Variants in PGCKA1 observed in about 807,000 individuals in gnomAD.
The protein encoded by PGCKA1 is PDCD10 and GCKIII kinases associated 1.
chr4:37,494,081 G>A, the PGCKA1 span, among the ~76,000 whole-genome samples: 1 of 152,188 alleles, frequency 6.6e-6, no homozygotes, highest in African/African-American at 2.4e-5. Context: ...TTTCTTTGGG[G>A]TATATAACTA....
chr4:37,510,191 C>G, the PGCKA1 span, among the ~76,000 whole-genome samples: 1 of 151,988 alleles, frequency 6.6e-6, no homozygotes, highest in African/African-American at 2.4e-5. Context: ...CCACATATCT[C>G]TATTTCTCCA....
the PGCKA1 span, among the ~76,000 whole-genome samples, chr4:37,543,759 A>G: frequency 5.9e-5 from 9 of 151,510 alleles, no homozygotes; most frequent in Non-Finnish European, 8.8e-5. Flanking sequence ...GCGTGAACCC[A>G]GGAGGCAGAG....
At chr4:37,535,553 G>A in the PGCKA1 span, among the ~76,000 whole-genome samples, 4 of 152,098 alleles carry the variant, frequency 2.6e-5, no homozygotes, top group East Asian at 1.9e-4. Flanking sequence ...GCCCCACTTC[G>A]CTCCACCTCT....
At chr4:37,589,255 G>A in the PGCKA1 span, among the ~76,000 whole-genome samples, 1 of 152,152 alleles carries the variant, frequency 6.6e-6, no homozygotes, top group Non-Finnish European at 1.5e-5. Context: ...TGTGAGTAAC[G>A]TGAACATAAA....
At chr4:37,558,898 C>T in the PGCKA1 span, among the ~76,000 whole-genome samples, 1 of 133,962 alleles carries the variant, frequency 7.5e-6, no homozygotes, top group African/African-American at 2.9e-5. Context: ...CAATGAGATA[C>T]CATCTCACAC....
the PGCKA1 span, among the ~76,000 whole-genome samples, chr4:37,478,142 A>ACC: frequency 1.4e-3 from 84 of 59,586 alleles, 1 homozygote; most frequent in African/African-American, 3.9e-3. Flanking sequence ...TTTTAAAAAC[A>ACC]CCCCCCCCCA....
the PGCKA1 span, among the ~76,000 whole-genome samples, chr4:37,479,634 T>C: frequency 6.6e-6 from 1 of 152,196 alleles, no homozygotes; most frequent in Non-Finnish European, 1.5e-5. Flanking sequence ...AGGCACAGCA[T>C]GTGCAAAGGC....
At chr4:37,551,193 C>A in the PGCKA1 span, among the ~76,000 whole-genome samples, 12 of 152,224 alleles carry the variant, frequency 7.9e-5, no homozygotes, top group Admixed American at 3.3e-4. Flanking sequence ...GATCAGTGGA[C>A]AGGTAGCTGT....
At chr4:37,551,365 T>C in the PGCKA1 span, among the ~76,000 whole-genome samples, 1 of 152,214 alleles carries the variant, frequency 6.6e-6, no homozygotes. Flanking sequence ...ACTATAGGCC[T>C]GCCAGCTAGA....
At chr4:37,497,029 C>T in the PGCKA1 span, among the ~76,000 whole-genome samples, 4 of 152,068 alleles carry the variant, frequency 2.6e-5, no homozygotes, top group Admixed American at 1.3e-4. Flanking sequence ...CTGGTGCACC[C>T]ATCACCTGAG....
the PGCKA1 span, among the ~76,000 whole-genome samples, chr4:37,523,932 T>C: frequency 6.6e-6 from 1 of 152,206 alleles, no homozygotes; most frequent in Non-Finnish European, 1.5e-5. Context: ...TTCACTGTCA[T>C]GACCTAATCC....
chr4:37,547,466 C>G, the PGCKA1 span, among the ~76,000 whole-genome samples: 1 of 152,084 alleles, frequency 6.6e-6, no homozygotes, highest in Non-Finnish European at 1.5e-5. Flanking sequence ...CCACTAGGAA[C>G]TATGTTGAAA....
At chr4:37,540,942 C>A in the PGCKA1 span, among the ~76,000 whole-genome samples, 1,049 of 146,856 alleles carry the variant, frequency 7.1e-3, 11 homozygotes, top group African/African-American at 0.026. Context: ...TGGAAAAAAA[C>A]CCCTTTTTTT....
chr4:37,536,088 T>C, the PGCKA1 span, among the ~76,000 whole-genome samples: 2 of 152,206 alleles, frequency 1.3e-5, no homozygotes, highest in Non-Finnish European at 2.9e-5. Flanking sequence ...GTTGCAAAAC[T>C]GGGTGTGACA....
the PGCKA1 span, among the ~76,000 whole-genome samples, chr4:37,569,711 A>G: frequency 6.6e-6 from 1 of 152,228 alleles, no homozygotes; most frequent in Non-Finnish European, 1.5e-5. Flanking sequence ...TAGCCCAATA[A>G]TGTAGGGAAA....
At chr4:37,527,992 G>A in the PGCKA1 span, among the ~76,000 whole-genome samples, 19,865 of 152,098 alleles carry the variant, frequency 0.13, 1,864 homozygotes, top group South Asian at 0.24. Flanking sequence ...ATGTTCACAC[G>A]ACAAAATCAC....
chr4:37,578,721 G>GT, the PGCKA1 span, among the ~76,000 whole-genome samples: 3 of 151,894 alleles, frequency 2.0e-5, no homozygotes, highest in South Asian at 2.1e-4. Context: ...TTCATTGTAT[G>GT]TTTTTTTAAT....
chr4:37,590,756 C>T, the PGCKA1 span: 1 of 1,614,118 alleles, frequency 6.2e-7, no homozygotes, highest in Non-Finnish European at 8.5e-7. Flanking sequence ...ACGCCCTTCT[C>T]TGTGAGGAGA....
the PGCKA1 span, chr4:37,460,946 T>C: frequency 2.7e-6 from 1 of 370,766 alleles, no homozygotes. Flanking sequence ...CTAGATTCTC[T>C]TCTGGGGTTT....
Sources: allele counts gnomAD v4.1 joint callset (sites outside exome capture counted in the v4.1 genomes callset), GRCh38; gene constraint gnomAD v4.1.1; transcripts MANE v1.5; gene names NCBI Gene and HGNC (gene_info 2026-07-23, HGNC 2026-07-21).